Variants in CHMP2B observed in about 807,000 individuals in gnomAD.
The protein encoded by CHMP2B is charged multivesicular body protein 2B.
CHMP2B carries 22 observed loss-of-function variants against 29.8 expected under a neutral mutation model. That is an observed-to-expected ratio of 0.74 (90% CI 0.53 to 1.05). CHMP2B has a LOEUF of 1.05. Among genes scored for constraint, CHMP2B ranks in the 50% least tolerant of loss-of-function variants. The pLI, the probability that CHMP2B is intolerant of heterozygous loss-of-function variation, is 0.00. For missense variants in CHMP2B, 261 were observed against 252.2 expected (o/e 1.03, Z -0.24); for synonymous variants, 78 against 75.8 (o/e 1.03, Z -0.15).
intron 2 of CHMP2B, among the ~76,000 whole-genome samples, chr3:87,241,368 T>G (rs1706116677): frequency 6.6e-6 from 1 of 152,214 alleles, no homozygotes; most frequent in Admixed American, 6.5e-5. Flanking sequence ...TTGACATATG[T>G]ATAAACTCGT....
chr3:87,241,332 T>C (rs1388628922), intron 2 of CHMP2B, among the ~76,000 whole-genome samples: 1 of 152,194 alleles, frequency 6.6e-6, no homozygotes, highest in Non-Finnish European at 1.5e-5. Context: ...ACTGTACATA[T>C]TTCAGGTGTA....
intron 3 of CHMP2B, among the ~76,000 whole-genome samples, chr3:87,247,643 G>A (rs1706238843): frequency 6.6e-6 from 1 of 152,060 alleles, no homozygotes; most frequent in Non-Finnish European, 1.5e-5. Flanking sequence ...ATTCATTTGA[G>A]GTTACAAATA....
At chr3:87,239,369 T>C (rs1379561752) in intron 1 of CHMP2B, among the ~76,000 whole-genome samples, 1 of 152,188 alleles carries the variant, frequency 6.6e-6, no homozygotes, top group African/African-American at 2.4e-5. Context: ...GATTTACTTC[T>C]ATGTGTTCTA....
chr3:87,227,683 C>T, intron 1 of CHMP2B, 127 bp downstream of exon 1: 1 of 1,222,234 alleles, frequency 8.2e-7, no homozygotes, highest in Non-Finnish European at 1.2e-6. Flanking sequence ...CACAGGTGAC[C>T]GCCCTCGCGG....
At chr3:87,244,008 CTGTTTTTGTTTTT>C (rs772216306) in intron 2 of CHMP2B, among the ~76,000 whole-genome samples, 5 of 134,874 alleles carry the variant, frequency 3.7e-5, no homozygotes, top group African/African-American at 5.9e-5. Context: ...TTCTTTGTTT[CTGTTTTTGTTTTT>C]TGTTTTTTTT....
rs1706386973 is a variant in CHMP2B, at chr3:87,255,309, C to T, written c.*1487C>T. The T allele has an allele frequency of 6.6e-6, 1 of 152,408 alleles. No individual in the cohort carries two copies. Among genetic ancestry groups the T allele is most frequent in the Non-Finnish European group, 1.5e-5 (1 of 67,920 alleles). The allele number at this position is 152,408 out of a possible 1,614,324, so 9.4% of individuals were successfully genotyped here. On this transcript the variant is annotated 3_prime_UTR_variant, in exon 6 of 6. Transcript: ENST00000263780. The stretch of plus-strand genomic sequence containing the variant: ...TGATAGTATTAAATACACAGTTTCT[C>T]TTAACAGTGATGGGTGAAAACATTT...
intron 4 of CHMP2B, 65 bp from the exon 5 acceptor site, chr3:87,253,339 T>C (rs1452801878): frequency 1.2e-5 from 11 of 924,022 alleles, no homozygotes; most frequent in Non-Finnish European, 2.0e-5. Context: ...AGACTGTAAA[T>C]ATGTAAGTCT....
chr3:87,248,101 C>T (rs574188995), intron 3 of CHMP2B, among the ~76,000 whole-genome samples: 15 of 152,024 alleles, frequency 9.9e-5, no homozygotes, highest in Non-Finnish European at 1.9e-4. Flanking sequence ...AGTTCAAGAC[C>T]AGTCTGGCCA....
At chr3:87,244,877 G>A (rs1308342699) in intron 2 of CHMP2B, among the ~76,000 whole-genome samples, 1 of 152,138 alleles carries the variant, frequency 6.6e-6, no homozygotes, top group Non-Finnish European at 1.5e-5. Flanking sequence ...CAGATTTTCT[G>A]TCTACTTGTA....
intron 1 of CHMP2B, among the ~76,000 whole-genome samples, chr3:87,232,516 A>G (rs1559605180): frequency 6.6e-6 from 1 of 152,318 alleles, no homozygotes; most frequent in East Asian, 1.9e-4. Flanking sequence ...TACCAAAGAA[A>G]AATAATTGAA....
rs549947417 is a variant in CHMP2B, at chr3:87,231,432, C to T, written c.34+3876C>T. Among the ~76,000 whole-genome samples the T allele has an allele frequency of 3.3e-5, 5 of 152,288 alleles. No individual in the cohort carries two copies. In the South Asian group the frequency reaches 8.3e-4, roughly 25 times the overall value. Reference sequence around the variant, plus strand: ...CTCTATTCAGATCCTACTTAACTTGCACTTTACGATACCACCTTTTTGCTT... The same window carrying T: ...CTCTATTCAGATCCTACTTAACTTGTACTTTACGATACCACCTTTTTGCTT... On this transcript the variant is annotated intron_variant, in intron 1 of 5. Transcript: ENST00000263780.
chr3:87,242,558 A>C (rs1032628379), intron 2 of CHMP2B, among the ~76,000 whole-genome samples: 17 of 151,920 alleles, frequency 1.1e-4, no homozygotes, highest in African/African-American at 3.9e-4. Flanking sequence ...AGTCAGTAAT[A>C]TTTTCTCCTA....
chr3:87,239,528 T>C (rs1208251693), intron 1 of CHMP2B, among the ~76,000 whole-genome samples: 1 of 152,160 alleles, frequency 6.6e-6, no homozygotes, highest in Non-Finnish European at 1.5e-5. Context: ...TCTCCTGTTG[T>C]TGTTGTTTTT....
chr3:87,251,882 T>C (rs1706319362), intron 4 of CHMP2B, among the ~76,000 whole-genome samples: 2 of 151,786 alleles, frequency 1.3e-5, no homozygotes, highest in Admixed American at 1.3e-4. Context: ...TTACTTATAC[T>C]TATAAACTCT....
chr3:87,243,585 G>A lies in CHMP2B; in HGVS notation c.127-2129G>A, dbSNP rs139604220. On this transcript the variant is annotated intron_variant, in intron 2 of 5. Coordinates refer to ENST00000263780, the MANE Select transcript of CHMP2B (RefSeq NM_014043.4). ...GTTTGTGTAGTTCTTCCTTAAATGT[G>A]TGATAGGATTCATCAGTAAAGTCAT... Among the ~76,000 whole-genome samples the A allele has an allele frequency of 3.3e-3, 508 of 152,186 alleles. 4 individuals are homozygous for A. The highest frequency in any genetic ancestry group is 0.011 in the African/African-American group (475 of 41,520).
intron 1 of CHMP2B, among the ~76,000 whole-genome samples, chr3:87,237,886 G>A (rs186567449): frequency 1.1e-3 from 164 of 152,148 alleles, no homozygotes; most frequent in Admixed American, 1.7e-3. Flanking sequence ...AGAAAGCCCC[G>A]TCCTTCTTTA....
chr3:87,244,149 C>A (rs761011241), intron 2 of CHMP2B, among the ~76,000 whole-genome samples: 2 of 150,098 alleles, frequency 1.3e-5, no homozygotes, highest in Admixed American at 1.3e-4. Context: ...TGGGTTCAAG[C>A]GATTCTTCTG....
chr3:87,249,586 T>C (rs995467401), intron 3 of CHMP2B, among the ~76,000 whole-genome samples: 18 of 152,230 alleles, frequency 1.2e-4, no homozygotes, highest in African/African-American at 4.3e-4. Flanking sequence ...TATTTTCCTA[T>C]TTGAATAGCA....
At chr3:87,232,993 T>G (rs1458050429) in intron 1 of CHMP2B, among the ~76,000 whole-genome samples, 2 of 152,254 alleles carry the variant, frequency 1.3e-5, no homozygotes, top group South Asian at 4.2e-4. Context: ...AGAAAAAAAT[T>G]ATTTTTGCTA....
Sources: gnomAD v4.1 joint callset for allele counts (sites outside exome capture counted in the v4.1 genomes callset) on GRCh38, gnomAD v4.1.1 for gene constraint, MANE v1.5 for transcripts, NCBI Gene and HGNC (gene_info 2026-07-23, HGNC 2026-07-21) for gene names.